PHF19: variants seen among roughly 807,000 people sequenced by gnomAD.
PHF19 encodes the protein PHD finger protein 19.
Under a neutral mutation model 79.8 loss-of-function variants are expected in PHF19, and 21 were observed. The observed-to-expected ratio is 0.26, with a 90% confidence interval of 0.19 to 0.38. PHF19 has a LOEUF of 0.38. PHF19 is among the 10% of genes least tolerant of loss of function. The probability of loss-of-function intolerance (pLI) is 1.00; values close to 1 mark genes in which losing one functional copy is unlikely to be tolerated. For missense variants in PHF19, 445 were observed against 744.2 expected, an observed-to-expected ratio of 0.60 and a Z score of 4.68; for synonymous variants, 273 against 296.3, an observed-to-expected ratio of 0.92 and a Z score of 0.81.
At position 120,858,230 on chromosome 9, in the gene PHF19, C is replaced by T. The variant is rs774487014; in HGVS notation, c.1457G>A (p.Arg486Gln). 13 of 1,571,128 alleles carry T rather than the reference C, an allele frequency of 8.3e-6. No individual in the cohort carries two copies. Among genetic ancestry groups the T allele is most frequent in the Non-Finnish European group, 1.1e-5 (13 of 1,152,340 alleles). ...CAGCTCAGCTGCCCACCGCTTTGCCCGCAGGGGCATGTATGCCTTGGCTGC... is the reference window on the plus strand; with the variant it reads ...CAGCTCAGCTGCCCACCGCTTTGCCTGCAGGGGCATGTATGCCTTGGCTGC... The part of the protein sequence containing the change: ...KLAAKAYMPL[R>Q]AKRWAAELDG... Residue 486 changes from arginine to glutamine, a missense_variant, in exon 15 of 15, where the codon CGG becomes CAG. Arg to Gln is a conservative substitution (Grantham distance 43, BLOSUM62 1). Around this residue, in one of 5 missense-constraint regions of PHF19, gnomAD observed 125 missense variants for 180.5 expected, o/e 0.69. Transcript: ENST00000373896.
chr9:120,894,205 G>A (rs751654511), intron 1 of PHF19, among the ~76,000 whole-genome samples: 11 of 152,132 alleles, frequency 7.2e-5, no homozygotes, highest in South Asian at 2.1e-4. Context: ...CTGAGCCACC[G>A]TCCCCTAAGA....
At chr9:120,861,778 T>C in intron 12 of PHF19, 140 bp downstream of exon 12, 1 of 720,094 alleles carries the variant, frequency 1.4e-6, no homozygotes, top group Non-Finnish European at 2.5e-6. Flanking sequence ...AGTGCCTGGC[T>C]TAGCTGTAAT....
In PHF19 at chr9:120,861,996, A is replaced by G; in HGVS notation, c.1140T>C (p.Pro380=). 6.2e-7 allele frequency: 1 copy of G among 1,613,302 alleles called. No homozygotes were observed. Among genetic ancestry groups the G allele is most frequent in the Non-Finnish European group, 8.5e-7 (1 of 1,179,178 alleles). ...KRGKSKPGLL[P]HEFQQQKRRV... The stretch of plus-strand genomic sequence containing the variant: ...GCCTTTTCTGCTGCTGGAATTCGTG[A>G]GGCAACAAACTGTGGAGACAGAAGA... The change falls in exon 12 of 15, where the codon CCT becomes CCC. Residue 380 remains proline (P), a synonymous_variant. Transcript: ENST00000373896.
upstream of PHF19, among the ~76,000 whole-genome samples, chr9:120,878,894 G>A (rs1254022154): frequency 6.6e-6 from 1 of 152,198 alleles, no homozygotes; most frequent in Non-Finnish European, 1.5e-5. Context: ...TCCAACGCGG[G>A]TAGGGCTGAT....
chr9:120,876,953 C>T, intron 1 of PHF19, 138 bp downstream of exon 1: 3 of 984,488 alleles, frequency 3.0e-6, no homozygotes, highest in Non-Finnish European at 3.6e-6. Flanking sequence ...TCCCCACCCC[C>T]GAGAGCCCCG....
At chr9:120,872,037 C>CAAAAAAAAAAA (rs1170243737) in intron 3 of PHF19, among the ~76,000 whole-genome samples, 4 of 30,322 alleles carry the variant, frequency 1.3e-4, no homozygotes, top group Admixed American at 6.0e-4. Context: ...GACTCTGTCT[C>CAAAAAAAAAAA]AAAAAAAAAA....
At position 120,857,682 on chromosome 9, in the gene PHF19, G is replaced by C. The variant is rs2045390952; in HGVS notation, c.*262C>G. On this transcript the variant is annotated 3_prime_UTR_variant, in exon 15 of 15. Transcript: ENST00000373896. ...GCAGGGGACACAAGGTCAGAGAACA[G>C]ATAAACAGAGTTTGAGGGGGTGTGG... is the stretch of plus-strand genomic sequence containing the variant. 1 of 407,430 alleles carries C rather than the reference G, an allele frequency of 2.5e-6. No homozygotes were observed. Among genetic ancestry groups the C allele is most frequent in the Non-Finnish European group, 4.4e-6 (1 of 229,438 alleles). The allele number at this position is 407,430 out of a possible 1,614,324, so 25.2% of individuals were successfully genotyped here.
Position 120,869,163 on chromosome 9 carries a change from C to A in PHF19, c.614+19G>T, listed in dbSNP as rs1464972359. 2 of 1,596,618 alleles carry A rather than the reference C, an allele frequency of 1.3e-6. No homozygotes were observed. Among genetic ancestry groups the A allele is most frequent in the African/African-American group, 1.3e-5 (1 of 74,586 alleles). On this transcript the variant is annotated intron_variant, in intron 6 of 14. Coordinates refer to ENST00000373896, the MANE Select transcript of PHF19 (RefSeq NM_015651.3). This position sits in a 1 kb window ranked among gnomAD's most constrained non-coding sequence, Gnocchi z 5.8. ...GAGACCTGCCCTGCCGCCCGGGGGG[C>A]CCTGACCCCCTGCCTTACTCTCCGG...
chr9:120,868,876 TA>T, intron 6 of PHF19: 1 of 1,115,140 alleles, frequency 9.0e-7, no homozygotes, highest in Non-Finnish European at 1.1e-6. Context: ...CCCCAAGGTC[TA>T]ACCTTCCGGG....
intron 14 of PHF19, 54 bp from the exon 15 acceptor site, chr9:120,858,340 TA>T: frequency 7.4e-7 from 1 of 1,351,386 alleles, no homozygotes. Flanking sequence ...ACAATCACAG[TA>T]AATTCCTCTC....
intron 9 of PHF19, among the ~76,000 whole-genome samples, chr9:120,865,227 G>C (rs977238811): frequency 2.0e-4 from 30 of 152,214 alleles, no homozygotes; most frequent in Non-Finnish European, 3.2e-4. Flanking sequence ...CCGTGGGAGT[G>C]ATTAGGGAGG....
chr9:120,896,641 G>A (rs2046405047), upstream of PHF19, among the ~76,000 whole-genome samples: 1 of 151,802 alleles, frequency 6.6e-6, no homozygotes, highest in Non-Finnish European at 1.5e-5. Context: ...TTTTAGTAGA[G>A]ACGGGGTTTC....
chr9:120,858,838 C>CAT (rs2045428615), intron 14 of PHF19, among the ~76,000 whole-genome samples: 1 of 151,700 alleles, frequency 6.6e-6, no homozygotes, highest in South Asian at 2.1e-4. Flanking sequence ...CACACACACA[C>CAT]ACACACACAC....
upstream of PHF19, among the ~76,000 whole-genome samples, chr9:120,881,258 CTG>C (rs2046179383): frequency 6.6e-6 from 1 of 151,582 alleles, no homozygotes; most frequent in African/African-American, 2.4e-5. Flanking sequence ...CGCCCTTCTC[CTG>C]CCTCAGCCTC....
At chr9:120,879,400 C>T (rs1235982328), upstream of PHF19, among the ~76,000 whole-genome samples, 2 of 152,150 alleles carry the variant, frequency 1.3e-5, no homozygotes, top group Non-Finnish European at 2.9e-5. Flanking sequence ...GTGAGCTGCA[C>T]GTGGAATTGA....
In PHF19 at chr9:120,860,358, T is replaced by A; in HGVS notation, c.1305-173A>T. ...TTTCCTACCCAGCCACCCTTCAAAG[T>A]CCAAGAAGTCAAAAAAACCTCCTGG... On this transcript the variant is annotated intron_variant, in intron 13 of 14. Coordinates refer to ENST00000373896, the MANE Select transcript of PHF19 (RefSeq NM_015651.3). The surrounding 1 kb of genome is among the most constrained non-coding windows in gnomAD (Gnocchi z 4.1). 1 of 581,728 alleles carries A rather than the reference T, an allele frequency of 1.7e-6. No homozygotes were observed. The highest frequency in any genetic ancestry group is 1.9e-5 in the African/African-American group (1 of 53,528). The allele number at this position is 581,728 out of a possible 1,614,324, so 36.0% of individuals were successfully genotyped here.
Position 120,862,686 on chromosome 9 carries a change from T to G in PHF19, c.1032A>C (p.Pro344=), listed in dbSNP as rs562400687. Residue 344 remains proline (P), a synonymous_variant, in exon 11 of 15, where the codon CCA becomes CCC. Coordinates refer to ENST00000373896, the MANE Select transcript of PHF19 (RefSeq NM_015651.3). The surrounding 1 kb of genome is among the most constrained non-coding windows in gnomAD (Gnocchi z 4.6). ...KCIFRLRIRV[P]PNPPGKLLPD... ...GCAGCAGCTTCCCTGGCGGGTTGGGTGGGACGCGGATGCGCAGGCGGAAGA... is the reference window on the plus strand; with the variant it reads ...GCAGCAGCTTCCCTGGCGGGTTGGGGGGGACGCGGATGCGCAGGCGGAAGA... The G allele has an allele frequency of 1.3e-4, 206 of 1,614,112 alleles. No individual in the cohort carries two copies. In the African/African-American group the frequency reaches 1.5e-3, roughly 12 times the overall value.
At chr9:120,864,472 G>T (rs950274641) in intron 9 of PHF19, among the ~76,000 whole-genome samples, 1 of 152,134 alleles carries the variant, frequency 6.6e-6, no homozygotes, top group Non-Finnish European at 1.5e-5. Flanking sequence ...TTCTAATGGT[G>T]GACAAATGGG....
At chr9:120,863,909 G>A in intron 10 of PHF19, 140 bp downstream of exon 10, 1 of 745,706 alleles carries the variant, frequency 1.3e-6, no homozygotes, top group East Asian at 2.8e-5. Context: ...GTACCCCCTG[G>A]ATCTCGGAGA....
Sources: gnomAD v4.1 joint callset for allele counts (sites outside exome capture counted in the v4.1 genomes callset) on GRCh38, gnomAD v4.1.1 for gene constraint, gnomAD v4.1.1 regional missense constraint, Gnocchi (gnomAD v3.1) non-coding constraint, MANE v1.5 for transcripts, NCBI Gene and HGNC (gene_info 2026-07-23, HGNC 2026-07-21) for gene names.